LRRC37B: variants seen among roughly 807,000 people sequenced by gnomAD.
LRRC37B encodes leucine rich repeat containing 37B.
A neutral mutation model predicts 98.3 loss-of-function variants in LRRC37B; 28 were observed. The observed-to-expected ratio is 0.28, with a 90% CI of 0.21 to 0.39. LRRC37B has a LOEUF of 0.39. Among genes scored for constraint, LRRC37B ranks in the 10% least tolerant of loss-of-function variants. LRRC37B has a pLI of 1.00. For missense variants in LRRC37B, 938 were observed against 1,182.7 expected (o/e 0.79, Z 3.03); for synonymous variants, 364 against 442.7 (o/e 0.82, Z 2.23).
chr17:32,040,377 G>A (rs72825748), intron 7 of LRRC37B: 54,080 of 447,846 alleles, frequency 0.12, 3,994 homozygotes, highest in Middle Eastern at 0.18. Flanking sequence ...AGAGGGTCAC[G>A]CACCTGGGAG....
chr17:32,015,225 G>A (rs1345152553), intron 1 of LRRC37B, among the ~76,000 whole-genome samples: 3 of 152,166 alleles, frequency 2.0e-5, no homozygotes, highest in East Asian at 1.9e-4. Flanking sequence ...TACTCAAAGA[G>A]CACAGCCTTG....
intron 1 of LRRC37B, among the ~76,000 whole-genome samples, chr17:32,013,790 A>G (rs530121353): frequency 6.0e-4 from 91 of 151,916 alleles, no homozygotes; most frequent in Non-Finnish European, 1.1e-3. Flanking sequence ...TATACTTTCA[A>G]TGTATATCTA....
Position 32,027,845 on chromosome 17 carries a change from G to A in LRRC37B, c.1904+5G>A, listed in dbSNP as rs1200894242. On this transcript the variant is annotated splice_donor_5th_base_variant and intron_variant, in intron 3 of 11. Transcript: ENST00000327564. ...CCTGCTATACCTCCAGTATTTGTAA[G>A]TTAGTTAATCATATTTTTGAGTTTT... The A allele has an allele frequency of 6.2e-7, 1 of 1,600,588 alleles. No individual in the cohort carries two copies. Among genetic ancestry groups the A allele is most frequent in the Admixed American group, 1.7e-5 (1 of 58,170 alleles).
At chr17:32,038,350 A>G (rs1911312082) in intron 7 of LRRC37B, among the ~76,000 whole-genome samples, 1 of 151,108 alleles carries the variant, frequency 6.6e-6, no homozygotes, top group South Asian at 2.1e-4. Flanking sequence ...TCCCAGCTAC[A>G]CGGGAAGCTG....
exon 1 of LRRC37B, chr17:32,021,086 G>A (rs1463711160): frequency 6.2e-7 from 1 of 1,613,576 alleles, no homozygotes; most frequent in Non-Finnish European, 8.5e-7. Context: ...CTTATAAGGG[G>A]CATGAGCATC....
In LRRC37B at chr17:32,008,128, TC is replaced by T; in HGVS notation, c.-193del. 2.7e-6 allele frequency: 1 copy of T among 364,568 alleles called. No homozygotes were observed. The highest frequency in any genetic ancestry group is 3.2e-5 in the South Asian group (1 of 30,866). The allele number at this position is 364,568 out of a possible 1,614,324, so 22.6% of individuals were successfully genotyped here. On this transcript the variant is annotated 5_prime_UTR_variant, in exon 1 of 15. An upstream open reading frame in the 5' UTR gains an earlier in-frame stop. Transcript: ENST00000543378. ...CCACGGAAAGCAGCTTCAGCAGCAC[TC>T]CAGGTACCCACCCAGCGCAGTTGCT... is the stretch of plus-strand genomic sequence containing the variant.
Position 32,022,627 on chromosome 17 carries a change from A to G in LRRC37B, c.1562A>G (p.Lys521Arg), listed in dbSNP as rs144746322. ...ACTGAAGTCACAGGTCCACCTACAAAGTTAGAATCTTCGCAGGATTCATTG... is the reference window on the plus strand; with the variant it reads ...ACTGAAGTCACAGGTCCACCTACAAGGTTAGAATCTTCGCAGGATTCATTG... Residue 521 changes from lysine (K) to arginine (R), a missense_variant, in exon 1 of 12, where the codon AAG (lysine) becomes AGG (arginine). Physicochemically the swap from Lys to Arg is conservative, Grantham distance 26. This residue lies in a region of LRRC37B where 328 missense variants were observed against 557.0 expected (regional missense o/e 0.59). Coordinates refer to ENST00000327564, the Ensembl canonical transcript of LRRC37B. 3.5e-4 allele frequency: 558 copies of G among 1,614,012 alleles called. 2 individuals are homozygous for G. In the African/African-American group the frequency reaches 6.9e-3, roughly 20 times the overall value.
intron 11 of LRRC37B, chr17:32,050,674 A>G: frequency 6.6e-6 from 1 of 151,998 alleles, no homozygotes; most frequent in Non-Finnish European, 1.5e-5. Flanking sequence ...TCAAATTCAC[A>G]GGGGAGGGGG....
chr17:32,047,594 G>A, intron 8 of LRRC37B, 167 bp from the exon 12 acceptor site: 1 of 949,586 alleles, frequency 1.1e-6, no homozygotes, highest in South Asian at 1.6e-5. Flanking sequence ...TCCTTTCGTT[G>A]TTGCCATTTC....
chr17:32,047,876 T>C, exon 9 of LRRC37B: 3 of 1,614,098 alleles, frequency 1.9e-6, no homozygotes, highest in Non-Finnish European at 2.5e-6. Flanking sequence ...CAGACAGCAG[T>C]GGCATCAACT....
At chr17:32,021,468 C>T in exon 1 of LRRC37B, 1 of 1,614,172 alleles carries the variant, frequency 6.2e-7, no homozygotes, top group Non-Finnish European at 8.5e-7. Context: ...TGGAGAGCTG[C>T]CCCTGGGGCC....
At chr17:32,051,584 T>C (rs1171647022) in intron 11 of LRRC37B, 1 of 151,998 alleles carries the variant, frequency 6.6e-6, no homozygotes, top group Non-Finnish European at 1.5e-5. Context: ...GGACACCATA[T>C]GAGAGACTTC....
At chr17:32,013,524 A>G (rs1448097696) in intron 1 of LRRC37B, among the ~76,000 whole-genome samples, 1 of 151,728 alleles carries the variant, frequency 6.6e-6, no homozygotes, top group Non-Finnish European at 1.5e-5. Flanking sequence ...TTAATTGAAT[A>G]TTTTTTAGTG....
In LRRC37B at chr17:32,041,613, A is replaced by G. The variant is rs1408031531; in HGVS notation, c.2205-4087A>G. ...CTGCCTTCCATGGGCTCCTGCTGCC[A>G]AGGCGGTGTCCAAGCCTGCCGGCGC... On this transcript the variant is annotated intron_variant, in intron 7 of 11. Transcript: ENST00000327564. The G allele has an allele frequency of 6.4e-6, 3 of 467,844 alleles. No homozygotes were observed. The Admixed American group carries it at 7.0e-5, about 11-fold the overall frequency. The allele number at this position is 467,844 out of a possible 1,614,324, so 29.0% of individuals were successfully genotyped here.
intron 7 of LRRC37B, 133 bp downstream of exon 10, chr17:32,035,772 A>T: frequency 2.0e-6 from 2 of 992,728 alleles, no homozygotes; most frequent in Non-Finnish European, 2.9e-6. Flanking sequence ...TAGTTTGATG[A>T]GTTTTGACAA....
intron 9 of LRRC37B, among the ~76,000 whole-genome samples, chr17:32,048,410 A>G (rs1357164021): frequency 1.3e-5 from 2 of 149,406 alleles, no homozygotes; most frequent in Admixed American, 6.7e-5. Context: ...GGGAAACACC[A>G]TCTACACCAA....
At chr17:32,012,355 TTGA>T (rs1910542604) in intron 1 of LRRC37B, among the ~76,000 whole-genome samples, 1 of 152,252 alleles carries the variant, frequency 6.6e-6, no homozygotes, top group Non-Finnish European at 1.5e-5. Flanking sequence ...TTTTGTCCTC[TTGA>T]TGATTATTTG....
intron 7 of LRRC37B, among the ~76,000 whole-genome samples, chr17:32,039,183 T>C (rs1345308877): frequency 6.6e-6 from 1 of 151,896 alleles, no homozygotes; most frequent in African/African-American, 2.4e-5. Flanking sequence ...CACTGTGTTG[T>C]CCAGGCTGGT....
intron 3 of LRRC37B, among the ~76,000 whole-genome samples, chr17:32,030,345 T>TAA (rs1408675556): frequency 6.6e-6 from 1 of 151,804 alleles, no homozygotes; most frequent in African/African-American, 2.4e-5. Flanking sequence ...TATATAGAGA[T>TAA]AAAAGCTTTG....
Sources: gnomAD v4.1 joint callset for allele counts (sites outside exome capture counted in the v4.1 genomes callset) on GRCh38, gnomAD v4.1.1 for gene constraint, gnomAD v4.1.1 regional missense constraint, MANE v1.5 for transcripts, NCBI Gene and HGNC (gene_info 2026-07-23, HGNC 2026-07-21) for gene names.